Variants in P4HA1 observed in about 807,000 individuals in gnomAD.
P4HA1 encodes the protein prolyl 4-hydroxylase subunit alpha-1.
Under a neutral mutation model 72.8 loss-of-function variants are expected in P4HA1, and 24 were observed. That is an observed-to-expected ratio of 0.33 (90% CI 0.24 to 0.46). The LOEUF (loss-of-function observed/expected upper bound fraction) is 0.46, where lower values mean the gene tolerates loss of function less well. Among genes scored for constraint, P4HA1 ranks in the 20% least tolerant of loss-of-function variants. The pLI, the probability that P4HA1 is intolerant of heterozygous loss-of-function variation, is 1.00. For missense variants in P4HA1, 446 were observed against 640.6 expected (o/e 0.70, Z 3.28); for synonymous variants, 201 against 218.8 (o/e 0.92, Z 0.72).
chr10:73,065,868 TATACA>T (rs1337695835), intron 5 of P4HA1, among the ~76,000 whole-genome samples: 1 of 152,120 alleles, frequency 6.6e-6, no homozygotes, highest in Admixed American at 6.6e-5. Context: ...TAAATAATGT[TATACA>T]ATACCACATT....
At chr10:73,013,385 T>C (rs1564617916) in intron 12 of P4HA1, among the ~76,000 whole-genome samples, 1 of 152,130 alleles carries the variant, frequency 6.6e-6, no homozygotes, top group Non-Finnish European at 1.5e-5. Flanking sequence ...ATCCAGTCAC[T>C]ATGCTGTGAA....
intron 5 of P4HA1, among the ~76,000 whole-genome samples, chr10:73,059,390 G>C (rs1841245483): frequency 9.0e-6 from 1 of 111,358 alleles, no homozygotes; most frequent in East Asian, 2.7e-4. Context: ...GGGAGTTCAA[G>C]ACAACCCCGG....
intron 1 of P4HA1, among the ~76,000 whole-genome samples, chr10:73,083,224 CCA>C (rs1224775534): frequency 6.6e-6 from 1 of 152,164 alleles, no homozygotes; most frequent in Non-Finnish European, 1.5e-5. Flanking sequence ...TCCATGAATT[CCA>C]GTCATACTTC....
At chr10:73,012,821 C>T (rs1220046770) in intron 12 of P4HA1, among the ~76,000 whole-genome samples, 1 of 152,038 alleles carries the variant, frequency 6.6e-6, no homozygotes, top group East Asian at 1.9e-4. Context: ...TGAGATGGAG[C>T]CACGCTCCGT....
intron 7 of P4HA1, among the ~76,000 whole-genome samples, chr10:73,048,861 G>A (rs1316511685): frequency 6.6e-6 from 1 of 152,150 alleles, no homozygotes; most frequent in Non-Finnish European, 1.5e-5. Context: ...GGGAACAGGT[G>A]CAGTGGCTCA....
intron 6 of P4HA1, 79 bp from the exon 7 acceptor site, chr10:73,051,328 G>A (rs1841014930): frequency 4.0e-6 from 3 of 752,506 alleles, no homozygotes; most frequent in African/African-American, 3.5e-5. Flanking sequence ...TATAAAAATA[G>A]GAGACATTAT....
At chr10:73,079,380 G>C (rs1841774193) in intron 1 of P4HA1, among the ~76,000 whole-genome samples, 1 of 152,132 alleles carries the variant, frequency 6.6e-6, no homozygotes, top group African/African-American at 2.4e-5. Flanking sequence ...CTGGGAGGTA[G>C]AGGCTGCAGC....
At chr10:73,019,395 A>C (rs1172729542) in intron 10 of P4HA1, among the ~76,000 whole-genome samples, 2 of 152,192 alleles carry the variant, frequency 1.3e-5, no homozygotes, top group Non-Finnish European at 2.9e-5. Flanking sequence ...CACTGCTGAG[A>C]ATGTAACTCT....
chr10:73,045,197 C>G, intron 8 of P4HA1, 146 bp from the exon 9 acceptor site: 2 of 580,444 alleles, frequency 3.4e-6, no homozygotes, highest in Non-Finnish European at 5.8e-6. Flanking sequence ...TGTGCTGAGC[C>G]TTGAAAGCCA....
chr10:73,073,909 T>C (rs1841629309), intron 2 of P4HA1, 82 bp from the exon 3 acceptor site: 1 of 753,878 alleles, frequency 1.3e-6, no homozygotes. Flanking sequence ...GACTGTTTCA[T>C]TCTATGAGAC....
intron 9 of P4HA1, among the ~76,000 whole-genome samples, chr10:73,039,401 G>C (rs1236660628): frequency 1.3e-5 from 2 of 152,082 alleles, no homozygotes; most frequent in Non-Finnish European, 2.9e-5. Context: ...CTGCCTCCTG[G>C]GTTCCTGCCG....
intron 5 of P4HA1, among the ~76,000 whole-genome samples, chr10:73,057,218 C>T (rs1199662160): frequency 1.3e-5 from 2 of 149,162 alleles, no homozygotes; most frequent in South Asian, 2.2e-4. Context: ...AGGCCGGGCG[C>T]GGTGGCTCAC....
Position 73,089,152 on chromosome 10 carries a change from C to A in P4HA1, c.-33+7614G>T, listed in dbSNP as rs541571869. On this transcript the variant is annotated intron_variant, in intron 1 of 14. Transcript: ENST00000394890. ...TCAGTGTTTCATAATTTTCAACATA[C>A]AAATATTACACACCATTTGAAAAGT... is the stretch of plus-strand genomic sequence containing the variant. Among the ~76,000 whole-genome samples, 16 of 152,262 alleles carry A rather than the reference C, an allele frequency of 1.1e-4. No homozygotes were observed. In the East Asian group the frequency reaches 3.1e-3, roughly 29 times the overall value.
At chr10:73,025,486 T>C (rs916492046) in intron 10 of P4HA1, among the ~76,000 whole-genome samples, 3 of 152,098 alleles carry the variant, frequency 2.0e-5, no homozygotes, top group African/African-American at 7.2e-5. Flanking sequence ...GAGCTATTTA[T>C]GACAAACCCA....
At chr10:73,077,135 G>A (rs879589492) in intron 1 of P4HA1, among the ~76,000 whole-genome samples, 1 of 152,234 alleles carries the variant, frequency 6.6e-6, no homozygotes, top group Non-Finnish European at 1.5e-5. Flanking sequence ...CTGGGCTCCT[G>A]CCAAAGCACA....
chr10:73,054,137 C>T lies in P4HA1; in HGVS notation c.464-547G>A, dbSNP rs189052270. Among the ~76,000 whole-genome samples the T allele has an allele frequency of 7.8e-3, 1,182 of 152,202 alleles. 8 individuals carry two copies. Among genetic ancestry groups the T allele is most frequent in the Non-Finnish European group, 0.011 (760 of 68,016 alleles). ...ATCAGGCTGGTCTCGAACTCCTGAT[C>T]TCAGGTGATCCACCCGCCTTGGCCT... is the stretch of plus-strand genomic sequence containing the variant. On this transcript the variant is annotated intron_variant, in intron 5 of 14. Transcript: ENST00000394890.
intron 9 of P4HA1, among the ~76,000 whole-genome samples, chr10:73,040,620 C>T (rs1473123197): frequency 6.6e-6 from 1 of 151,706 alleles, no homozygotes. Context: ...GGATTACAGG[C>T]GCGCCACCAC....
At chr10:73,027,142 T>C (rs1258761332) in intron 10 of P4HA1, among the ~76,000 whole-genome samples, 1 of 152,142 alleles carries the variant, frequency 6.6e-6, no homozygotes, top group African/African-American at 2.4e-5. Flanking sequence ...TAAAGACACA[T>C]ATACACGTAT....
intron 5 of P4HA1, among the ~76,000 whole-genome samples, chr10:73,059,776 T>TA (rs1274238373): frequency 1.4e-5 from 2 of 147,432 alleles, no homozygotes; most frequent in Admixed American, 6.7e-5. Context: ...ATAAATAAAA[T>TA]AAAAAATAAA....
Sources: gnomAD v4.1 joint callset for allele counts (sites outside exome capture counted in the v4.1 genomes callset) on GRCh38, gnomAD v4.1.1 for gene constraint, MANE v1.5 for transcripts, NCBI Gene and HGNC (gene_info 2026-07-23, HGNC 2026-07-21) for gene names.